Variants in CYP4F2 observed in about 807,000 individuals in gnomAD.
The protein encoded by CYP4F2 is cytochrome P450 4F2.
In CYP4F2, 58 loss-of-function variants were observed where a neutral mutation model predicts 58.9. That is an observed-to-expected ratio of 0.98 (90% confidence interval 0.80 to 1.23). The LOEUF (loss-of-function observed/expected upper bound fraction) is 1.23. Ranked by LOEUF, CYP4F2 falls within the 50% of genes most tolerant of loss-of-function variation. The probability of loss-of-function intolerance (pLI) is 0.00; values close to 1 mark genes in which losing one functional copy is unlikely to be tolerated. For synonymous variants in CYP4F2, 287 were observed against 261.1 expected (o/e 1.10, Z -0.95); for missense variants, 616 against 685.6 (o/e 0.90, Z 1.13).
chr19:15,887,571 C>T (rs1321388674), intron 7 of CYP4F2, among the ~76,000 whole-genome samples: 1 of 149,758 alleles, frequency 6.7e-6, no homozygotes, highest in Non-Finnish European at 1.5e-5. Context: ...CACACAAATA[C>T]ACGTAAACCT....
intron 9 of CYP4F2, among the ~76,000 whole-genome samples, chr19:15,881,868 G>T (rs1225436467): frequency 6.6e-6 from 1 of 151,836 alleles, no homozygotes; most frequent in Non-Finnish European, 1.5e-5. Flanking sequence ...AGGAACTTAT[G>T]CTAAGTGAAG....
chr19:15,892,526 C>T lies in CYP4F2; in HGVS notation c.397+3G>A, dbSNP rs1568473350. ...CCAACCCTGTTCACCTGCAGATACT[C>T]ACCCAGCCAGGGCTCCAGGAAGCTG... is the stretch of plus-strand genomic sequence containing the variant. On this transcript the variant is annotated splice_donor_region_variant and intron_variant, in intron 4 of 12. Coordinates refer to ENST00000221700, the MANE Select transcript of CYP4F2 (RefSeq NM_001082.5). 1 of 1,613,996 alleles carries T rather than the reference C, an allele frequency of 6.2e-7. No homozygotes were observed. The highest frequency in any genetic ancestry group is 8.5e-7 in the Non-Finnish European group (1 of 1,180,002).
At chr19:15,892,244 C>G (rs986032780) in intron 5 of CYP4F2, 65 bp downstream of exon 5, 1 of 1,606,804 alleles carries the variant, frequency 6.2e-7, no homozygotes, top group South Asian at 1.1e-5. Flanking sequence ...AAACTCCAGA[C>G]TAGATCTCTC....
At position 15,897,435 on chromosome 19, in the gene CYP4F2, C is replaced by A; in HGVS notation, c.177G>T (p.Trp59Cys). 1 of 1,604,312 alleles carries A rather than the reference C, an allele frequency of 6.2e-7. No individual in the cohort carries two copies. The highest frequency in any genetic ancestry group is 8.5e-7 in the Non-Finnish European group (1 of 1,174,256). ...RCFPQPPRRN[W>C]FWGHQGMVNP... ...TCACCATGCCCTGGTGTCCCCAAAACCAGTTCCGTCTTGGGGGTTGTGGGA... is the reference window on the plus strand; with the variant it reads ...TCACCATGCCCTGGTGTCCCCAAAAACAGTTCCGTCTTGGGGGTTGTGGGA... The change falls in exon 2 of 13, where the codon TGG becomes TGT. Residue 59 changes from tryptophan (W) to cysteine (C), a missense_variant. Coordinates refer to ENST00000221700, the MANE Select transcript of CYP4F2 (RefSeq NM_001082.5).
At chr19:15,890,495 C>T (rs2089410288) in intron 5 of CYP4F2, 62 bp from the exon 6 acceptor site, 15 of 1,596,914 alleles carry the variant, frequency 9.4e-6, no homozygotes, top group Non-Finnish European at 1.3e-5. Context: ...CCTCTCCAAC[C>T]CCAACTGCCA....
At chr19:15,896,840 C>T (rs551027347) in intron 2 of CYP4F2, among the ~76,000 whole-genome samples, 4 of 152,252 alleles carry the variant, frequency 2.6e-5, no homozygotes, top group South Asian at 2.1e-4. Context: ...GGCAAGGTCA[C>T]GGGGAGGAGA....
intron 9 of CYP4F2, among the ~76,000 whole-genome samples, chr19:15,883,788 C>T (rs920976068): frequency 6.6e-6 from 1 of 152,294 alleles, no homozygotes; most frequent in Admixed American, 6.5e-5. Context: ...CGGCCGGGTG[C>T]GGTGGCTCAT....
intron 9 of CYP4F2, among the ~76,000 whole-genome samples, chr19:15,882,095 A>G (rs954796952): frequency 3.9e-5 from 6 of 152,056 alleles, no homozygotes; most frequent in African/African-American, 1.5e-4. Context: ...ATACAAAAAA[A>G]TTAGCCAAGC....
rs771593173 is a variant in CYP4F2 at position 15,890,437 on chromosome 19, G to T, written c.526-4C>A. The T allele has an allele frequency of 1.2e-6, 2 of 1,613,916 alleles. No homozygotes were observed. The highest frequency in any genetic ancestry group is 1.7e-6 in the Non-Finnish European group (2 of 1,179,874). ...AGGCCAGGAGCTGCCACTTGGCCTA[G>T]CCAGAGAAGGGGACAGAGCTGGGGC... On this transcript the variant is annotated splice_region_variant and splice_polypyrimidine_tract_variant and intron_variant, in intron 5 of 12. Transcript: ENST00000221700.
intron 9 of CYP4F2, among the ~76,000 whole-genome samples, chr19:15,882,079 A>AT (rs2089349301): frequency 6.6e-6 from 1 of 151,986 alleles, no homozygotes; most frequent in African/African-American, 2.4e-5. Flanking sequence ...CCCGTCTCTA[A>AT]TAAAAATACA....
intron 6 of CYP4F2, 126 bp from the exon 7 acceptor site, chr19:15,889,819 C>A (rs1361724994): frequency 1.4e-6 from 2 of 1,394,388 alleles, no homozygotes; most frequent in African/African-American, 2.9e-5. Context: ...GATGACCCCA[C>A]AGATACAGGG....
At position 15,880,036 on chromosome 19, in the gene CYP4F2, T is replaced by G. The variant is rs985903497; in HGVS notation, c.1116-139A>C. The stretch of plus-strand genomic sequence containing the variant: ...AAGAATTGTTACAAAGTCGCAAGAA[T>G]AAAAATAGTGTGGCACTGTGGCAAA... On this transcript the variant is annotated intron_variant, in intron 9 of 12. Transcript: ENST00000221700. The G allele has an allele frequency of 1.9e-6, 3 of 1,551,854 alleles. No homozygotes were observed. In the African/African-American group the frequency reaches 4.2e-5, roughly 22 times the overall value.
intron 9 of CYP4F2, among the ~76,000 whole-genome samples, chr19:15,883,372 A>G (rs1385357443): frequency 6.6e-6 from 1 of 152,016 alleles, no homozygotes; most frequent in East Asian, 1.9e-4. Flanking sequence ...GATAGATGGA[A>G]AAATGCTCAA....
In CYP4F2 at chr19:15,897,588, C is replaced by G. The variant is rs1172572612; in HGVS notation, c.24G>C (p.Trp8Cys). 6.2e-7 allele frequency: 1 copy of G among 1,613,576 alleles called. No homozygotes were observed. Among genetic ancestry groups the G allele is most frequent in the African/African-American group, 1.3e-5 (1 of 74,892 alleles). The change falls in exon 2 of 13, where the codon TGG (tryptophan) becomes TGC (cysteine). Residue 8 changes from tryptophan to cysteine, a missense_variant. Physicochemically the swap from Trp to Cys is radical, Grantham distance 215 (BLOSUM62 -2). Transcript: ENST00000221700. Reference sequence around the variant, plus strand: ...ATGCTGCCACTGGCCAGAGGCCCAGCCAGGACAGGCTCAGCTGGGACATCC... The same window carrying G: ...ATGCTGCCACTGGCCAGAGGCCCAGGCAGGACAGGCTCAGCTGGGACATCC... MSQLSLSWLGLWPVAASP... is the reference protein window; with the variant it reads MSQLSLSCLGLWPVAASP...
At position 15,892,563 on chromosome 19, in the gene CYP4F2, G is replaced by A. The variant is rs770932301; in HGVS notation, c.363C>T (p.Asp121=). 1 of 1,613,956 alleles carries A rather than the reference G, an allele frequency of 6.2e-7. No homozygotes were observed. Among genetic ancestry groups the A allele is most frequent in the African/African-American group, 1.3e-5 (1 of 74,932 alleles). The part of the protein sequence containing the change: ...INASAAIAPK[D]KFFYSFLEPW... ...GCTCCAGGAAGCTGTAGAAGAACTT[G>A]TCCTTTGGTGCAATGGCAGCTGACA... Residue 121 remains aspartate (D), a synonymous_variant, in exon 4 of 13, where the codon GAC becomes GAT. Transcript: ENST00000221700.
Position 15,889,589 on chromosome 19 carries a change from G to T in CYP4F2, c.752C>A (p.Pro251His). The T allele has an allele frequency of 1.9e-6, 3 of 1,614,200 alleles. No individual in the cohort carries two copies. Among genetic ancestry groups the T allele is most frequent in the Non-Finnish European group, 2.5e-6 (3 of 1,180,050 alleles). Residue 251 changes from proline (P) to histidine (H), a missense_variant, in exon 7 of 13, where the codon CCT becomes CAT. Coordinates refer to ENST00000221700, the MANE Select transcript of CYP4F2 (RefSeq NM_001082.5). ...LHIDFLYYLTPDGQRFRRACR... is the reference protein window; with the variant it reads ...LHIDFLYYLTHDGQRFRRACR... ...GGCCCTGCGGAAACGCTGCCCATCA[G>T]GGGTGAGATAATACAGGAAGTCAAT...
chr19:15,881,445 T>C (rs914617851), intron 9 of CYP4F2, among the ~76,000 whole-genome samples: 43 of 152,116 alleles, frequency 2.8e-4, no homozygotes, highest in African/African-American at 9.4e-4. Context: ...AGATGACAGA[T>C]AATAAATAAG....
intron 3 of CYP4F2, 54 bp from the exon 4 acceptor site, chr19:15,892,636 T>C: frequency 6.3e-7 from 1 of 1,589,502 alleles, no homozygotes; most frequent in Non-Finnish European, 8.6e-7. Context: ...AGAGGGACTT[T>C]GGGGGTGGGT....
chr19:15,889,661 T>C lies in CYP4F2; in HGVS notation c.680A>G (p.Glu227Gly). The C allele has an allele frequency of 6.2e-7, 1 of 1,614,022 alleles. No homozygotes were observed. The highest frequency in any genetic ancestry group is 8.5e-7 in the Non-Finnish European group (1 of 1,179,946). The change falls in exon 7 of 13, where the codon GAG (glutamate) becomes GGG (glycine). Residue 227 changes from glutamate to glycine, a missense_variant. Physicochemically the swap from Glu to Gly is moderately conservative, Grantham distance 98 (BLOSUM62 -2). Transcript: ENST00000221700. ...KPSEYIAAILELSALVSKRHH... is the reference protein window; with the variant it reads ...KPSEYIAAILGLSALVSKRHH... ...TCTTTTTGATACAAGGGCACTGAGC[T>C]CCAAGATGGCGGCAATATATTCACT...
Sources: gnomAD v4.1 joint callset for allele counts (sites outside exome capture counted in the v4.1 genomes callset) on GRCh38, gnomAD v4.1.1 for gene constraint, MANE v1.5 for transcripts, NCBI Gene and HGNC (gene_info 2026-07-23, HGNC 2026-07-21) for gene names.